Variants in SPDYC observed in about 807,000 individuals in gnomAD.
SPDYC encodes the protein speedy protein C.
In SPDYC, 25 loss-of-function variants were observed where a neutral mutation model predicts 33.9. The observed-to-expected ratio is 0.74, with a 90% confidence interval of 0.54 to 1.03. The LOEUF is 1.03. Among genes scored for constraint, SPDYC ranks in the 50% least tolerant of loss-of-function variants. The probability of loss-of-function intolerance (pLI) is 0.00; values close to 1 mark genes in which losing one functional copy is unlikely to be tolerated. For missense variants in SPDYC, 349 were observed against 382.9 expected, an observed-to-expected ratio of 0.91 and a Z score of 0.74; for synonymous variants, 133 against 140.2, an observed-to-expected ratio of 0.95 and a Z score of 0.36.
chr11:65,171,401 C>G (rs1273702178), exon 2 of SPDYC: 4 of 1,610,286 alleles, frequency 2.5e-6, no homozygotes, highest in Non-Finnish European at 3.4e-6. Flanking sequence ...GTAGTTACCA[C>G]CCAGGTAGAG....
At chr11:65,172,056 T>A (rs1396440231) in intron 3 of SPDYC, 55 bp downstream of exon 3, 35 of 1,589,840 alleles carry the variant, frequency 2.2e-5, no homozygotes, top group Non-Finnish European at 2.8e-5. Flanking sequence ...TGGTGGGAAT[T>A]GAGTGCCCTG....
exon 4 of SPDYC, chr11:65,172,251 C>T: frequency 1.2e-6 from 2 of 1,614,160 alleles, no homozygotes; most frequent in Non-Finnish European, 8.5e-7. Flanking sequence ...TGCAGTATCT[C>T]CTGGCCATGG....
rs752679199 is a variant in SPDYC, at chr11:65,170,260, G to C, written c.25G>C (p.Gly9Arg). ...TATGCTCTGGGCCATTCCTGAGCTCGGGTAAGGCTCGCTGCAGGAGGAGGC... is the reference window on the plus strand; with the variant it reads ...TATGCTCTGGGCCATTCCTGAGCTCCGGTAAGGCTCGCTGCAGGAGGAGGC... Residue 9 changes from glycine (G) to arginine (R), a missense_variant and splice_region_variant, in exon 1 of 7, where the codon GGG becomes CGG. Gly to Arg is a moderately radical substitution (Grantham distance 125). Coordinates refer to ENST00000377185, the Ensembl canonical transcript of SPDYC. The C allele has an allele frequency of 7.6e-6, 12 of 1,581,596 alleles. No homozygotes were observed. The East Asian group carries it at 1.2e-4, about 16-fold the overall frequency.
intron 2 of SPDYC, 63 bp downstream of exon 2, chr11:65,171,562 G>A: frequency 2.8e-6 from 4 of 1,439,256 alleles, no homozygotes; most frequent in Non-Finnish European, 3.7e-6. Flanking sequence ...GATGTGAAGT[G>A]TGGGGTCTCA....
In SPDYC at chr11:65,172,614, G is replaced by T; in HGVS notation, c.516+9G>T. On this transcript the variant is annotated intron_variant, in intron 5 of 6. Coordinates refer to ENST00000377185, the Ensembl canonical transcript of SPDYC. ...GCCAGTGCTGTGAGGAGGTGAGGCT[G>T]GGAGGCAACCTGGGGTGTGGGGAAG... 3 of 1,552,890 alleles carry T rather than the reference G, an allele frequency of 1.9e-6. No homozygotes were observed. In the East Asian group the frequency reaches 6.8e-5, roughly 35 times the overall value.
intron 2 of SPDYC, 107 bp from the exon 3 acceptor site, chr11:65,171,836 A>G (rs1948438230): frequency 1.1e-6 from 1 of 952,030 alleles, no homozygotes; most frequent in East Asian, 2.4e-5. Context: ...GAAAAAGAGA[A>G]AGAGAGAGAG....
chr11:65,171,981 T>G (rs908715359), exon 3 of SPDYC: 2 of 1,613,970 alleles, frequency 1.2e-6, no homozygotes, highest in African/African-American at 2.7e-5. Flanking sequence ...CAAAGACCCC[T>G]GCTTCCAGAT....
intron 1 of SPDYC, among the ~76,000 whole-genome samples, 187 bp from the exon 2 acceptor site, chr11:65,171,140 C>T (rs72932893): frequency 0.029 from 4,429 of 151,944 alleles, 108 homozygotes; most frequent in Non-Finnish European, 0.047. Flanking sequence ...GGTGCCACAC[C>T]CTCACCTATA....
chr11:65,171,693 T>G (rs1398602120), intron 2 of SPDYC, among the ~76,000 whole-genome samples, 194 bp downstream of exon 2: 1 of 152,156 alleles, frequency 6.6e-6, no homozygotes, highest in Non-Finnish European at 1.5e-5. Flanking sequence ...GAGTCATACC[T>G]ATAATCCCAA....
At chr11:65,171,828 AAAAGAG>A in intron 2 of SPDYC, 109 bp from the exon 3 acceptor site, 1 of 907,852 alleles carries the variant, frequency 1.1e-6, no homozygotes, top group Non-Finnish European at 1.8e-6. Context: ...AAAAGGGAGA[AAAAGAG>A]AAAGAGAGAG....
In SPDYC at chr11:65,171,288, G is replaced by A. The variant is rs750037257; in HGVS notation, c.27-39G>A. The A allele has an allele frequency of 4.4e-5, 70 of 1,576,214 alleles. No individual in the cohort carries two copies. The South Asian group carries it at 4.9e-4, about 11-fold the overall frequency. On this transcript the variant is annotated intron_variant, in intron 1 of 6. Transcript: ENST00000377185. ...CACCCTCTTGATTTGTGAGCATCAC[G>A]GGGGTACATGCTAAGTCCTGAGCCT...
exon 6 of SPDYC, chr11:65,172,721 G>C: frequency 6.2e-7 from 1 of 1,611,760 alleles, no homozygotes; most frequent in Non-Finnish European, 8.5e-7. Context: ...GCTTGGACTC[G>C]GGACCGGCGC....
At chr11:65,172,108 C>A in intron 3 of SPDYC, 107 bp downstream of exon 3, 1 of 1,477,906 alleles carries the variant, frequency 6.8e-7, no homozygotes, top group South Asian at 1.1e-5. Context: ...CTTACCCCCT[C>A]ATCTTTGCAC....
At chr11:65,172,022 G>C in intron 3 of SPDYC, 21 bp downstream of exon 3, 1 of 1,613,276 alleles carries the variant, frequency 6.2e-7, no homozygotes. Flanking sequence ...ACAGGCTGGG[G>C]GTCTCTTGAG....
chr11:65,173,181 A>C lies in SPDYC; in HGVS notation c.848-2A>C. Reference sequence around the variant, plus strand: ...CTGAGCCTCACTCTTTCCTCTCCCCAGTCTTCCCAAAGCCTCCGGCACGCC... The same window carrying C: ...CTGAGCCTCACTCTTTCCTCTCCCCCGTCTTCCCAAAGCCTCCGGCACGCC... On this transcript the variant is annotated splice_acceptor_variant, in intron 6 of 6. Transcript: ENST00000377185. LOFTEE classifies it high-confidence loss of function. The C allele has an allele frequency of 1.1e-5, 18 of 1,613,858 alleles. No homozygotes were observed. The highest frequency in any genetic ancestry group is 1.5e-5 in the Non-Finnish European group (18 of 1,179,918).
At chr11:65,172,165 T>C in intron 3 of SPDYC, 81 bp from the exon 4 acceptor site, 1 of 1,568,178 alleles carries the variant, frequency 6.4e-7, no homozygotes, top group Non-Finnish European at 8.8e-7. Context: ...CAGCAAAACC[T>C]CCCTGGGTGC....
chr11:65,172,519 C>A (rs773763733), exon 5 of SPDYC: 3 of 1,578,554 alleles, frequency 1.9e-6, no homozygotes, highest in African/African-American at 1.4e-5. Flanking sequence ...TTGGTGTTTA[C>A]GAGTGGGGAA....
At chr11:65,170,654 T>C (rs971598529) in intron 1 of SPDYC, among the ~76,000 whole-genome samples, 15 of 151,692 alleles carry the variant, frequency 9.9e-5, no homozygotes, top group Admixed American at 9.8e-4. Context: ...CCCAGCACTT[T>C]GGGAGGTCAG....
In SPDYC at chr11:65,172,983, G is replaced by A. The variant is rs1487551885; in HGVS notation, c.816G>A (p.Met272Ile). The A allele has an allele frequency of 1.9e-6, 3 of 1,613,972 alleles. No individual in the cohort carries two copies. In the South Asian group the frequency reaches 3.3e-5, roughly 18 times the overall value. ...TTCTCATCGTCTTGCCTCCCCAGAT[G>A]CAACTGGAACCAGGCACCTACTCCC... The change falls in exon 6 of 7, where the codon ATG becomes ATA. Residue 272 changes from methionine (M) to isoleucine (I), a missense_variant. Coordinates refer to ENST00000377185, the Ensembl canonical transcript of SPDYC.
Sources: gnomAD v4.1 joint callset for allele counts (sites outside exome capture counted in the v4.1 genomes callset) on GRCh38, gnomAD v4.1.1 for gene constraint, MANE v1.5 for transcripts, NCBI Gene and HGNC (gene_info 2026-07-23, HGNC 2026-07-21) for gene names.